The following CSGALNACT1 variants were observed in gnomAD, a reference collection of about 807,000 sequenced individuals.
CSGALNACT1 encodes beta4GalNAcT-1.
CSGALNACT1 carries 52 observed loss-of-function variants against 51.0 expected under a neutral mutation model. That is an observed-to-expected ratio of 1.02 (90% CI 0.82 to 1.29). The LOEUF is 1.29. Among genes scored for constraint, CSGALNACT1 ranks in the 50% most tolerant of loss-of-function variants. The pLI, the probability that CSGALNACT1 is intolerant of heterozygous loss-of-function variation, is 0.00. For missense variants in CSGALNACT1, 935 were observed against 679.2 expected (o/e 1.38, Z -4.19); for synonymous variants, 341 against 254.4 (o/e 1.34, Z -3.24).
chr8:19,522,181 G>A (rs1184061793), intron 3 of CSGALNACT1, among the ~76,000 whole-genome samples: 5 of 152,104 alleles, frequency 3.3e-5, no homozygotes, highest in Non-Finnish European at 2.9e-5. Context: ...GCTAAATTAA[G>A]GTCAAAACCG....
intron 3 of CSGALNACT1, among the ~76,000 whole-genome samples, chr8:19,554,708 A>G (rs947354502): frequency 6.6e-5 from 10 of 152,162 alleles, no homozygotes; most frequent in East Asian, 3.9e-4. Context: ...ACCTGAGGTC[A>G]GGAGTTCAAG....
intron 4 of CSGALNACT1, among the ~76,000 whole-genome samples, chr8:19,481,777 C>G (rs192377679): frequency 6.6e-6 from 1 of 152,280 alleles, no homozygotes; most frequent in Admixed American, 6.5e-5. Flanking sequence ...AGGACTAGAA[C>G]ACATCCCAGA....
At chr8:19,473,777 T>C (rs540994291) in intron 4 of CSGALNACT1, among the ~76,000 whole-genome samples, 3 of 152,320 alleles carry the variant, frequency 2.0e-5, no homozygotes, top group African/African-American at 4.8e-5. Context: ...TAAAGTTTAA[T>C]CCACTGGATA....
At chr8:19,612,202 G>A (rs1564257026) in intron 1 of CSGALNACT1, among the ~76,000 whole-genome samples, 1 of 152,076 alleles carries the variant, frequency 6.6e-6, no homozygotes, top group Admixed American at 6.5e-5. Context: ...ATTTAGCAGA[G>A]CGTGATGGCA....
chr8:19,751,499 C>T (rs2065023843), intron 1 of CSGALNACT1, among the ~76,000 whole-genome samples: 1 of 152,150 alleles, frequency 6.6e-6, no homozygotes, highest in Non-Finnish European at 1.5e-5. Context: ...TTACCTGAAT[C>T]CTCTGTTCCA....
At chr8:19,513,178 C>T (rs548255326) in intron 3 of CSGALNACT1, among the ~76,000 whole-genome samples, 3 of 152,166 alleles carry the variant, frequency 2.0e-5, no homozygotes, top group African/African-American at 7.2e-5. Flanking sequence ...AAGGCTCCAT[C>T]ATCTCCTACC....
chr8:19,720,996 G>A (rs1009376257), intron 1 of CSGALNACT1, among the ~76,000 whole-genome samples: 4 of 152,066 alleles, frequency 2.6e-5, no homozygotes, highest in African/African-American at 9.7e-5. Context: ...AACACACACT[G>A]GGTTTTAAAG....
At chr8:19,436,905 T>A (rs1270542518) in intron 6 of CSGALNACT1, among the ~76,000 whole-genome samples, 1 of 152,196 alleles carries the variant, frequency 6.6e-6, no homozygotes, top group Non-Finnish European at 1.5e-5. Context: ...AGCAAGACCT[T>A]GTCTCAAAAA....
chr8:19,692,780 G>A (rs1014770420), intron 1 of CSGALNACT1, among the ~76,000 whole-genome samples: 2 of 152,092 alleles, frequency 1.3e-5, no homozygotes, highest in South Asian at 2.1e-4. Flanking sequence ...GAGGCTTCAC[G>A]TGGCAATAGA....
In CSGALNACT1 at chr8:19,641,544, G is replaced by A. The variant is rs555909367; in HGVS notation, c.-543-39679C>T. Among the ~76,000 whole-genome samples the A allele has an allele frequency of 9.2e-5, 14 of 152,154 alleles. No individual in the cohort carries two copies. In the South Asian group the frequency reaches 2.3e-3, roughly 25 times the overall value. ...ACAAGATGTCCACAGGAGTGGACAC[G>A]ATCTTTCAAAAAGAAGTACATTGTA... On this transcript the variant is annotated intron_variant, in intron 1 of 9. Coordinates refer to the CSGALNACT1 transcript ENST00000332246.
chr8:19,735,681 C>T (rs2154247686), intron 1 of CSGALNACT1, among the ~76,000 whole-genome samples: 1 of 152,178 alleles, frequency 6.6e-6, no homozygotes, highest in Non-Finnish European at 1.5e-5. Flanking sequence ...TATTGAAAGA[C>T]AGAAGATCTG....
rs10096712 is a variant in CSGALNACT1, at chr8:19,586,676, T to G, written c.-297+4484A>C. On this transcript the variant is annotated intron_variant, in intron 3 of 9. Coordinates refer to ENST00000454498, the Ensembl canonical transcript of CSGALNACT1. ...CAGACTTGGAATCAGGTTTTCCTGA[T>G]TTTTCCCAAAATGCAGTACTTCTCA... Among the ~76,000 whole-genome samples the G allele has an allele frequency of 5.5e-3, 840 of 152,210 alleles. 11 individuals are homozygous for G. The highest frequency in any genetic ancestry group is 0.019 in the African/African-American group (799 of 41,540).
intron 3 of CSGALNACT1, among the ~76,000 whole-genome samples, chr8:19,577,919 G>T (rs1187252848): frequency 6.6e-6 from 1 of 152,178 alleles, no homozygotes; most frequent in Non-Finnish European, 1.5e-5. Context: ...CATCAGTCCA[G>T]CCCTCTGCCA....
At chr8:19,567,494 G>T (rs1442493880) in intron 3 of CSGALNACT1, among the ~76,000 whole-genome samples, 4 of 152,164 alleles carry the variant, frequency 2.6e-5, no homozygotes, top group African/African-American at 9.7e-5. Flanking sequence ...ATCTGATGAA[G>T]GGTATTTACA....
chr8:19,744,370 T>C (rs2064512299), intron 1 of CSGALNACT1, among the ~76,000 whole-genome samples: 1 of 152,202 alleles, frequency 6.6e-6, no homozygotes, highest in Non-Finnish European at 1.5e-5. Context: ...AAATAGATGG[T>C]CTTTGCTGTT....
intron 4 of CSGALNACT1, among the ~76,000 whole-genome samples, chr8:19,499,186 C>T (rs574242645): frequency 6.6e-6 from 1 of 152,330 alleles, no homozygotes; most frequent in Non-Finnish European, 1.5e-5. Context: ...CGACCCATAT[C>T]TTCTAGGAAG....
intron 3 of CSGALNACT1, among the ~76,000 whole-genome samples, chr8:19,560,114 T>C (rs909361233): frequency 3.3e-5 from 5 of 152,160 alleles, no homozygotes; most frequent in Non-Finnish European, 7.3e-5. Context: ...AGGTAGTAAG[T>C]AGAATGTAAC....
chr8:19,614,869 G>A (rs190595262), intron 1 of CSGALNACT1, among the ~76,000 whole-genome samples: 1 of 152,288 alleles, frequency 6.6e-6, no homozygotes, highest in Admixed American at 6.5e-5. Flanking sequence ...TCTACACATT[G>A]TACTACAGAC....
intron 1 of CSGALNACT1, among the ~76,000 whole-genome samples, chr8:19,707,190 G>C (rs992362325): frequency 3.3e-5 from 5 of 152,156 alleles, no homozygotes; most frequent in Non-Finnish European, 5.9e-5. Flanking sequence ...AACACCAACA[G>C]TGTCCATGGA....
Sources: gnomAD v4.1 joint callset for allele counts (sites outside exome capture counted in the v4.1 genomes callset) on GRCh38, gnomAD v4.1.1 for gene constraint, MANE v1.5 for transcripts, NCBI Gene and HGNC (gene_info 2026-07-23, HGNC 2026-07-21) for gene names.